Variants in SERGEF observed in about 807,000 individuals in gnomAD.
SERGEF encodes secretion-regulating guanine nucleotide exchange factor.
Under a neutral mutation model 50.0 loss-of-function variants are expected in SERGEF, and 51 were observed. That is an observed-to-expected ratio of 1.02 (90% CI 0.81 to 1.29). The LOEUF (loss-of-function observed/expected upper bound fraction) is 1.29, where lower values mean the gene tolerates loss of function less well. Ranked by LOEUF, SERGEF falls within the 50% of genes most tolerant of loss-of-function variation. SERGEF has a pLI of 0.00. For synonymous variants in SERGEF, 205 were observed against 212.4 expected, an observed-to-expected ratio of 0.97 and a Z score of 0.30; for missense variants, 521 against 557.0, an observed-to-expected ratio of 0.94 and a Z score of 0.65.
At chr11:17,805,382 G>A (rs1849740121) in intron 10 of SERGEF, among the ~76,000 whole-genome samples, 1 of 152,236 alleles carries the variant, frequency 6.6e-6, no homozygotes, top group Non-Finnish European at 1.5e-5. Context: ...TACCCAGGCT[G>A]TAATTCTACA....
At chr11:17,971,329 C>T (rs1853245136) in intron 8 of SERGEF, among the ~76,000 whole-genome samples, 1 of 152,224 alleles carries the variant, frequency 6.6e-6, no homozygotes, top group Admixed American at 6.5e-5. Context: ...GGCTACACTA[C>T]ACAACAGCTT....
chr11:17,806,311 G>A (rs1391695826), intron 10 of SERGEF, among the ~76,000 whole-genome samples: 1 of 152,204 alleles, frequency 6.6e-6, no homozygotes, highest in Non-Finnish European at 1.5e-5. Flanking sequence ...GAATACGATG[G>A]TCCATTTATG....
At chr11:17,940,980 G>A (rs1369741056) in intron 9 of SERGEF, among the ~76,000 whole-genome samples, 1 of 151,950 alleles carries the variant, frequency 6.6e-6, no homozygotes, top group East Asian at 1.9e-4. Flanking sequence ...ACACAGAAAA[G>A]CTTAAACATA....
At chr11:17,965,015 C>T (rs1853088578) in intron 8 of SERGEF, among the ~76,000 whole-genome samples, 1 of 152,244 alleles carries the variant, frequency 6.6e-6, no homozygotes, top group South Asian at 2.1e-4. Flanking sequence ...ACACTCCTTT[C>T]TGTATAGCAT....
intron 9 of SERGEF, among the ~76,000 whole-genome samples, chr11:17,934,356 C>T (rs1039257294): frequency 5.3e-5 from 8 of 152,152 alleles, no homozygotes; most frequent in African/African-American, 1.9e-4. Context: ...CAATTCAGAT[C>T]ACAGAGCTAG....
At chr11:17,965,598 C>T (rs1005004754) in intron 8 of SERGEF, among the ~76,000 whole-genome samples, 15 of 152,182 alleles carry the variant, frequency 9.9e-5, no homozygotes, top group Non-Finnish European at 1.5e-5. Context: ...TAAATGCACA[C>T]TCATTAGGAC....
intron 10 of SERGEF, among the ~76,000 whole-genome samples, chr11:17,840,885 T>C (rs1013177156): frequency 1.3e-5 from 2 of 152,226 alleles, no homozygotes; most frequent in African/African-American, 4.8e-5. Context: ...ATATAGTAGA[T>C]ATATATTAAT....
rs114932393 is a variant in SERGEF, at chr11:17,962,834, G to A, written c.845-3198C>T. Among the ~76,000 whole-genome samples, 818 of 152,226 alleles carry A rather than the reference G, an allele frequency of 5.4e-3. 7 individuals carry two copies. Among genetic ancestry groups the A allele is most frequent in the Middle Eastern group, 0.034 (10 of 294 alleles). ...ACTTCTGGATAAGAAAAGAAAATGGGAGACCAAGGGAGGATATTGCAGGAG... is the reference window on the plus strand; with the variant it reads ...ACTTCTGGATAAGAAAAGAAAATGGAAGACCAAGGGAGGATATTGCAGGAG... On this transcript the variant is annotated intron_variant, in intron 8 of 10. Coordinates refer to ENST00000265965, the MANE Select transcript of SERGEF (RefSeq NM_012139.4).
intron 10 of SERGEF, among the ~76,000 whole-genome samples, chr11:17,865,127 T>C (rs1850997854): frequency 6.6e-6 from 1 of 152,160 alleles, no homozygotes; most frequent in Non-Finnish European, 1.5e-5. Context: ...GGTAGTCCCA[T>C]AAGATTATAA....
intron 1 of SERGEF, among the ~76,000 whole-genome samples, chr11:18,010,921 C>A (rs1244532795): frequency 1.3e-5 from 2 of 152,106 alleles, no homozygotes; most frequent in Admixed American, 1.3e-4. Context: ...GTCCCATTAC[C>A]AGGGGTGCAA....
intron 8 of SERGEF, among the ~76,000 whole-genome samples, chr11:17,978,159 T>C (rs761240211): frequency 4.6e-5 from 7 of 152,114 alleles, no homozygotes; most frequent in Non-Finnish European, 1.0e-4. Flanking sequence ...GAACCCTACC[T>C]TAAGGGGCTA....
intron 10 of SERGEF, among the ~76,000 whole-genome samples, chr11:17,873,245 T>A (rs1190701756): frequency 6.6e-6 from 1 of 152,144 alleles, no homozygotes; most frequent in Non-Finnish European, 1.5e-5. Context: ...TGGAGTAAAC[T>A]GCTCACCTTC....
chr11:17,895,989 T>G (rs1470423483), intron 9 of SERGEF, among the ~76,000 whole-genome samples: 3 of 152,234 alleles, frequency 2.0e-5, no homozygotes, highest in Non-Finnish European at 4.4e-5. Context: ...CTATTTCTCT[T>G]CTATGGGGTA....
At chr11:17,955,985 T>C (rs1007776796) in intron 9 of SERGEF, among the ~76,000 whole-genome samples, 1 of 152,190 alleles carries the variant, frequency 6.6e-6, no homozygotes, top group Non-Finnish European at 1.5e-5. Flanking sequence ...CCTGTTCACA[T>C]ACATCCTGCC....
intron 10 of SERGEF, among the ~76,000 whole-genome samples, chr11:17,868,511 T>C (rs1851074015): frequency 6.6e-6 from 1 of 152,186 alleles, no homozygotes; most frequent in Non-Finnish European, 1.5e-5. Flanking sequence ...TTCCCACATT[T>C]TCCTGTCTTC....
intron 8 of SERGEF, among the ~76,000 whole-genome samples, chr11:17,977,663 C>A (rs1853405865): frequency 6.6e-6 from 1 of 152,140 alleles, no homozygotes; most frequent in African/African-American, 2.4e-5. Context: ...GAAATCCTAA[C>A]CCTTAATATT....
intron 8 of SERGEF, among the ~76,000 whole-genome samples, chr11:17,960,502 A>T (rs2133972278): frequency 6.6e-6 from 1 of 152,374 alleles, no homozygotes; most frequent in Non-Finnish European, 1.5e-5. Flanking sequence ...AAATATGCAT[A>T]ACCATGTGCG....
intron 10 of SERGEF, among the ~76,000 whole-genome samples, chr11:17,825,815 A>G (rs1850181576): frequency 6.6e-6 from 1 of 152,186 alleles, no homozygotes; most frequent in African/African-American, 2.4e-5. Flanking sequence ...ATGACCCTAG[A>G]AAAGGGCCAG....
chr11:17,859,578 G>C (rs1850888537), intron 10 of SERGEF, among the ~76,000 whole-genome samples: 1 of 152,114 alleles, frequency 6.6e-6, no homozygotes, highest in Admixed American at 6.5e-5. Flanking sequence ...TCTGGACTGA[G>C]AAGGCTCAAT....
Sources: gnomAD v4.1 joint callset for allele counts (sites outside exome capture counted in the v4.1 genomes callset) on GRCh38, gnomAD v4.1.1 for gene constraint, MANE v1.5 for transcripts, NCBI Gene and HGNC (gene_info 2026-07-23, HGNC 2026-07-21) for gene names.